Variants in STXBP5L observed in about 807,000 individuals in gnomAD.
STXBP5L encodes the protein syntaxin binding protein 5L, also known as syntaxin-binding protein 5-like.
In STXBP5L, 65 loss-of-function variants were observed where a neutral mutation model predicts 144.5. That is an observed-to-expected ratio of 0.45 (90% CI 0.37 to 0.55). STXBP5L has a LOEUF of 0.55. STXBP5L is among the 20% of genes least tolerant of loss of function. The pLI, the probability that STXBP5L is intolerant of heterozygous loss-of-function variation, is 0.00. For synonymous variants in STXBP5L, 505 were observed against 469.6 expected (o/e 1.08, Z -0.97); for missense variants, 1,298 against 1,405.5 (o/e 0.92, Z 1.22).
chr3:121,410,815 CTGTTA>C (rs1430357792), intron 23 of STXBP5L, among the ~76,000 whole-genome samples: 9 of 151,864 alleles, frequency 5.9e-5, no homozygotes, highest in African/African-American at 2.4e-5. Flanking sequence ...TTTTTTTCTT[CTGTTA>C]TAAGAGCAAT....
At chr3:120,995,663 A>G (rs779418533) in intron 3 of STXBP5L, among the ~76,000 whole-genome samples, 26 of 152,026 alleles carry the variant, frequency 1.7e-4, no homozygotes, top group Non-Finnish European at 3.1e-4. Flanking sequence ...GAGGCATGGA[A>G]ACCTTACTTC....
At chr3:120,990,959 C>T (rs1444585426) in intron 3 of STXBP5L, among the ~76,000 whole-genome samples, 1 of 152,182 alleles carries the variant, frequency 6.6e-6, no homozygotes, top group African/African-American at 2.4e-5. Flanking sequence ...GCAATGGCAA[C>T]AAAAGCCAAA....
At chr3:121,344,387 A>G (rs1422712548) in intron 20 of STXBP5L, among the ~76,000 whole-genome samples, 1 of 152,176 alleles carries the variant, frequency 6.6e-6, no homozygotes, top group Admixed American at 6.6e-5. Context: ...ACAAAAGCCA[A>G]AATTGACAAA....
chr3:121,275,172 A>G (rs1334734847), intron 18 of STXBP5L, among the ~76,000 whole-genome samples: 1 of 152,118 alleles, frequency 6.6e-6, no homozygotes, highest in African/African-American at 2.4e-5. Context: ...TTAAGATTAT[A>G]TAGTCTGTAT....
chr3:121,149,508 G>C (rs1288262815), intron 7 of STXBP5L, among the ~76,000 whole-genome samples: 3 of 151,676 alleles, frequency 2.0e-5, no homozygotes, highest in African/African-American at 7.3e-5. Context: ...CAAACAATTA[G>C]AGACATAAAA....
chr3:121,341,165 A>G (rs1224200264), intron 20 of STXBP5L, among the ~76,000 whole-genome samples: 1 of 152,178 alleles, frequency 6.6e-6, no homozygotes, highest in East Asian at 1.9e-4. Flanking sequence ...CTCTGTAGGA[A>G]AAAAGCTAAT....
intron 4 of STXBP5L, among the ~76,000 whole-genome samples, chr3:121,043,841 T>C (rs1259127714): frequency 6.6e-6 from 1 of 152,242 alleles, no homozygotes; most frequent in Non-Finnish European, 1.5e-5. Flanking sequence ...CTGTATAGCA[T>C]GTAACTATCT....
chr3:121,326,734 G>A (rs1245144647), intron 20 of STXBP5L, among the ~76,000 whole-genome samples: 1 of 152,008 alleles, frequency 6.6e-6, no homozygotes, highest in Non-Finnish European at 1.5e-5. Flanking sequence ...TTGTGTGCCA[G>A]TGTTCAGAAC....
chr3:121,370,707 T>G (rs2046004768), intron 20 of STXBP5L, among the ~76,000 whole-genome samples: 1 of 152,262 alleles, frequency 6.6e-6, no homozygotes, highest in East Asian at 1.9e-4. Context: ...TCATTCATTT[T>G]CATGCTTTTT....
chr3:121,214,443 T>C (rs2108266556), intron 10 of STXBP5L, among the ~76,000 whole-genome samples: 1 of 152,326 alleles, frequency 6.6e-6, no homozygotes, highest in Admixed American at 6.5e-5. Flanking sequence ...AATTATTTAT[T>C]TCTGCCTTAA....
At chr3:120,978,295 T>G (rs1483097745) in intron 3 of STXBP5L, among the ~76,000 whole-genome samples, 1 of 152,260 alleles carries the variant, frequency 6.6e-6, no homozygotes, top group Non-Finnish European at 1.5e-5. Flanking sequence ...TTCATTCATT[T>G]CATCTTCCTT....
intron 20 of STXBP5L, among the ~76,000 whole-genome samples, chr3:121,335,089 A>AT (rs1439543768): frequency 6.6e-6 from 1 of 152,242 alleles, no homozygotes; most frequent in East Asian, 1.9e-4. Context: ...CCTGCAGCTG[A>AT]TAAACACCTT....
At chr3:120,943,523 T>TAA (rs1447864395) in intron 2 of STXBP5L, among the ~76,000 whole-genome samples, 1 of 151,784 alleles carries the variant, frequency 6.6e-6, no homozygotes. Flanking sequence ...TATCTATACT[T>TAA]ACATTTGTGG....
intron 3 of STXBP5L, among the ~76,000 whole-genome samples, chr3:121,028,869 G>A (rs1373228683): frequency 3.9e-5 from 6 of 151,944 alleles, no homozygotes; most frequent in Admixed American, 3.9e-4. Flanking sequence ...GTTCTTAATT[G>A]CTAACAATAG....
chr3:121,247,663 T>A (rs1374340422), intron 14 of STXBP5L, among the ~76,000 whole-genome samples: 4 of 152,246 alleles, frequency 2.6e-5, no homozygotes, highest in Non-Finnish European at 4.4e-5. Context: ...ACTCTTTTTT[T>A]ATGGCTGTGT....
intron 5 of STXBP5L, among the ~76,000 whole-genome samples, chr3:121,060,566 C>A (rs899564704): frequency 2.0e-5 from 3 of 152,130 alleles, no homozygotes; most frequent in South Asian, 2.1e-4. Context: ...CCTCTTTGTA[C>A]CTCTGGTAGA....
chr3:121,061,403 G>A (rs10212556), intron 5 of STXBP5L, among the ~76,000 whole-genome samples: 15,120 of 152,064 alleles, frequency 0.099, 1,186 homozygotes, highest in Admixed American at 0.2. Context: ...TATGTGGCCA[G>A]TTTTAGAATA....
intron 3 of STXBP5L, among the ~76,000 whole-genome samples, chr3:120,988,226 C>G (rs1228013663): frequency 5.3e-5 from 8 of 150,774 alleles, no homozygotes; most frequent in Non-Finnish European, 1.0e-4. Context: ...ATTTGGTGCT[C>G]TGTCTTTTGT....
rs1249297489 is a variant in STXBP5L at position 121,313,303 on chromosome 3, G to A, written c.2111-5172G>A. On this transcript the variant is annotated intron_variant, in intron 19 of 26. Transcript: ENST00000471454. The stretch of plus-strand genomic sequence containing the variant: ...CCAGTAGGGGCGGCTGGGCAGAGGC[G>A]CCCCTCACCTCCTGGACGGGGCGGC... Among the ~76,000 whole-genome samples, 8 of 139,152 alleles carry A rather than the reference G, an allele frequency of 5.7e-5. No individual in the cohort carries two copies. In the East Asian group the frequency reaches 6.8e-4, roughly 12 times the overall value. The allele number at this position is 139,152 out of a possible 152,430, so 91.3% of individuals were successfully genotyped here. A position where few individuals can be genotyped will look rare whatever the true frequency, so the allele number is the denominator to read the frequency against.
Sources: allele counts gnomAD v4.1 joint callset (sites outside exome capture counted in the v4.1 genomes callset), GRCh38; gene constraint gnomAD v4.1.1; transcripts MANE v1.5; gene names NCBI Gene and HGNC (gene_info 2026-07-23, HGNC 2026-07-21).